JARID2: variants seen among roughly 807,000 people sequenced by gnomAD.
JARID2 encodes the protein jumonji and AT-rich interaction domain containing 2, also known as protein Jumonji.
Under a neutral mutation model 125.6 loss-of-function variants are expected in JARID2, and 21 were observed. The observed-to-expected ratio is 0.17, with a 90% CI of 0.12 to 0.24. The LOEUF (loss-of-function observed/expected upper bound fraction) is 0.24, where lower values mean the gene tolerates loss of function less well. Ranked by LOEUF, JARID2 falls within the 10% of genes least tolerant of loss-of-function variation. The pLI is 1.00. For missense variants in JARID2, 1,303 were observed against 1,639.6 expected (o/e 0.79, Z 3.55); for synonymous variants, 736 against 661.6 (o/e 1.11, Z -1.73).
rs114449978 is a variant in JARID2 at position 15,452,546 on chromosome 6, G to T, written c.493+371G>T. Among the ~76,000 whole-genome samples the T allele has an allele frequency of 5.1e-3, 771 of 152,152 alleles. 10 individuals are homozygous for T. Among genetic ancestry groups the T allele is most frequent in the African/African-American group, 0.018 (753 of 41,476 alleles). On this transcript the variant is annotated intron_variant, in intron 4 of 17. Transcript: ENST00000341776. ...AGTTTTTTTTTGATGCAGGACTTTG[G>T]GGCTGTGAAGGCCCCTTTCTTTGTG... is the stretch of plus-strand genomic sequence containing the variant.
At chr6:15,391,521 A>G (rs1581494441) in intron 2 of JARID2, among the ~76,000 whole-genome samples, 1 of 152,186 alleles carries the variant, frequency 6.6e-6, no homozygotes, top group South Asian at 2.1e-4. Context: ...GCTCTAAGTT[A>G]GGGTCAACAA....
At chr6:15,504,743 AG>A (rs1770913897) in intron 9 of JARID2, 151 bp downstream of exon 9, 2 of 606,718 alleles carry the variant, frequency 3.3e-6, no homozygotes, top group Non-Finnish European at 5.9e-6. Flanking sequence ...AGCGTGCACC[AG>A]GGCAGCCAAA....
At chr6:15,440,039 G>A (rs370010490) in intron 3 of JARID2, among the ~76,000 whole-genome samples, 1 of 152,222 alleles carries the variant, frequency 6.6e-6, no homozygotes, top group South Asian at 2.1e-4. Context: ...AAGACCCCTT[G>A]TGAATCAGAG....
intron 1 of JARID2, among the ~76,000 whole-genome samples, chr6:15,347,039 T>C (rs1386234815): frequency 2.6e-5 from 4 of 152,242 alleles, no homozygotes; most frequent in South Asian, 2.1e-4. Context: ...CTGGCAGTAA[T>C]TGTAATATTT....
At chr6:15,443,012 A>G (rs1409660507) in intron 3 of JARID2, among the ~76,000 whole-genome samples, 1 of 151,884 alleles carries the variant, frequency 6.6e-6, no homozygotes, top group African/African-American at 2.4e-5. Flanking sequence ...TATCTTGTAG[A>G]TATTTAGTGC....
intron 2 of JARID2, among the ~76,000 whole-genome samples, chr6:15,375,568 G>A (rs1431943561): frequency 6.6e-6 from 1 of 152,228 alleles, no homozygotes; most frequent in Non-Finnish European, 1.5e-5. Flanking sequence ...AAGGCACTCT[G>A]CCTTGTTCTG....
At chr6:15,509,087 G>A (rs1241464630) in intron 12 of JARID2, 2 of 1,289,252 alleles carry the variant, frequency 1.6e-6, no homozygotes, top group Non-Finnish European at 2.0e-6. Context: ...CTGTTGCCTG[G>A]CGAGGTGTTC....
rs778277483 is a variant in JARID2, at chr6:15,508,326, T to G, written c.2732-14T>G. ...TAGCTTTTAAAAATGCCCTTTTCACTCTTTCTGTTTTAGGAGTGACTATTC... is the reference window on the plus strand; with the variant it reads ...TAGCTTTTAAAAATGCCCTTTTCACGCTTTCTGTTTTAGGAGTGACTATTC... On this transcript the variant is annotated splice_polypyrimidine_tract_variant and intron_variant, in intron 11 of 17. Transcript: ENST00000341776. 5 of 1,388,078 alleles carry G rather than the reference T, an allele frequency of 3.6e-6. No individual in the cohort carries two copies. In the East Asian group the frequency reaches 1.1e-4, roughly 32 times the overall value. 86.0% of individuals were successfully genotyped at this position (1,388,078 alleles called of 1,614,324 possible).
chr6:15,520,043 T>C (rs1319003241), intron 17 of JARID2, 26 bp from the exon 18 acceptor site: 13 of 1,598,750 alleles, frequency 8.1e-6, no homozygotes, highest in Non-Finnish European at 1.1e-5. Flanking sequence ...GTATGTTAAC[T>C]GTGTCTTCCT....
chr6:15,441,568 A>G (rs922266510), intron 3 of JARID2, among the ~76,000 whole-genome samples: 2 of 152,156 alleles, frequency 1.3e-5, no homozygotes, highest in South Asian at 2.1e-4. Context: ...AACTTACTGC[A>G]TGAGAGGGAG....
intron 4 of JARID2, among the ~76,000 whole-genome samples, chr6:15,466,367 C>T (rs1024956952): frequency 2.6e-5 from 4 of 152,192 alleles, no homozygotes; most frequent in African/African-American, 7.2e-5. Context: ...TAGTCATTGC[C>T]TCCAAGATAC....
chr6:15,507,174 C>T lies in JARID2; in HGVS notation c.2580C>T (p.His860=), dbSNP rs770475203. The change falls in exon 10 of 18, where the codon CAC becomes CAT. Residue 860 remains histidine (H), a synonymous_variant. Coordinates refer to ENST00000341776, the MANE Select transcript of JARID2 (RefSeq NM_004973.4). ...YWRLVEEKDC[H]VAVHCGKVDT... is the part of the protein sequence containing the mutation. ...GGCTAGTGGAAGAGAAGGACTGCCA[C>T]GTGGCAGTGCACTGCGGCAAGGTGG... 8 of 1,613,348 alleles carry T rather than the reference C, an allele frequency of 5.0e-6. No homozygotes were observed. The highest frequency in any genetic ancestry group is 5.9e-6 in the Non-Finnish European group (7 of 1,179,260).
intron 5 of JARID2, among the ~76,000 whole-genome samples, chr6:15,477,956 G>A (rs1312544047): frequency 6.6e-6 from 1 of 152,160 alleles, no homozygotes; most frequent in Non-Finnish European, 1.5e-5. Flanking sequence ...CATCAGCCTC[G>A]CCAGAACTAT....
intron 5 of JARID2, among the ~76,000 whole-genome samples, chr6:15,481,861 C>A (rs1477073860): frequency 6.6e-6 from 1 of 152,126 alleles, no homozygotes; most frequent in Non-Finnish European, 1.5e-5. Context: ...AGTAGAGTAC[C>A]TTGCTGAAGT....
At position 15,279,501 on chromosome 6, in the gene JARID2, A is replaced by G. The variant is rs375267825; in HGVS notation, c.45+32917A>G. Among the ~76,000 whole-genome samples, 7 of 152,292 alleles carry G rather than the reference A, an allele frequency of 4.6e-5. No homozygotes were observed. In the East Asian group the frequency reaches 1.3e-3, roughly 29 times the overall value. The stretch of plus-strand genomic sequence containing the variant: ...CCCTGGCCTCTGGGGTCGTGGAAGT[A>G]TGTGCCCAGGTGTATTACTCTTTAT... On this transcript the variant is annotated intron_variant, in intron 1 of 17. Transcript: ENST00000341776.
intron 3 of JARID2, among the ~76,000 whole-genome samples, chr6:15,428,491 A>G (rs921125357): frequency 5.3e-5 from 8 of 152,110 alleles, no homozygotes; most frequent in South Asian, 2.1e-4. Context: ...TCATTGTTCA[A>G]TTCCCACTTA....
Position 15,515,544 on chromosome 6 carries a change from G to C in JARID2, c.3451-1617G>C, listed in dbSNP as rs567954410. Among the ~76,000 whole-genome samples, 276 of 152,246 alleles carry C rather than the reference G, an allele frequency of 1.8e-3. 3 individuals are homozygous for C. The Middle Eastern group carries it at 0.024, about 13-fold the overall frequency. On this transcript the variant is annotated intron_variant, in intron 16 of 17. Coordinates refer to ENST00000341776, the MANE Select transcript of JARID2 (RefSeq NM_004973.4). ...CATGGTAGGCCAATCCCAGTGCTTC[G>C]GGAGGCAATGGTGGGCAGATCACTC...
chr6:15,300,070 A>G (rs1007834485), intron 1 of JARID2, among the ~76,000 whole-genome samples: 4 of 152,194 alleles, frequency 2.6e-5, no homozygotes, highest in Non-Finnish European at 5.9e-5. Flanking sequence ...TATGCTCAAA[A>G]TATGATTTCT....
At chr6:15,272,256 C>A (rs79435972) in intron 1 of JARID2, among the ~76,000 whole-genome samples, 11,243 of 152,296 alleles carry the variant, frequency 0.074, 492 homozygotes, top group East Asian at 0.15. Context: ...GACCATTCTT[C>A]AGTTTTCATT....
Sources: allele counts gnomAD v4.1 joint callset (sites outside exome capture counted in the v4.1 genomes callset), GRCh38; gene constraint gnomAD v4.1.1; transcripts MANE v1.5; gene names NCBI Gene and HGNC (gene_info 2026-07-23, HGNC 2026-07-21).